Variants in THRB observed in about 807,000 individuals in gnomAD.
THRB encodes the protein nuclear receptor subfamily 1 group A member 2.
A neutral mutation model predicts 47.8 loss-of-function variants in THRB; 12 were observed. The ratio of observed to expected loss-of-function variants is 0.25; its 90% confidence interval spans 0.16 to 0.41. The LOEUF (loss-of-function observed/expected upper bound fraction) is 0.41, where lower values mean the gene tolerates loss of function less well. Ranked by LOEUF, THRB falls within the 10% of genes least tolerant of loss-of-function variation. The pLI, the probability that THRB is intolerant of heterozygous loss-of-function variation, is 1.00. For missense variants in THRB, 348 were observed against 589.2 expected (o/e 0.59, Z 4.24); for synonymous variants, 218 against 212.2 (o/e 1.03, Z -0.24).
At chr3:24,412,344 C>T (rs903641196) in intron 1 of THRB, among the ~76,000 whole-genome samples, 4 of 151,630 alleles carry the variant, frequency 2.6e-5, no homozygotes, top group South Asian at 4.2e-4. Context: ...TACATGTCTT[C>T]CAAATAAACC....
intron 4 of THRB, among the ~76,000 whole-genome samples, chr3:24,191,092 A>G (rs2043276497): frequency 6.6e-6 from 1 of 151,686 alleles, no homozygotes; most frequent in East Asian, 1.9e-4. Context: ...TATTTTTTCT[A>G]TTCAATTTAT....
At chr3:24,470,803 G>C (rs1232343407) in intron 1 of THRB, among the ~76,000 whole-genome samples, 8 of 152,178 alleles carry the variant, frequency 5.3e-5, no homozygotes, top group Non-Finnish European at 1.0e-4. Flanking sequence ...TTTTAGTAGA[G>C]AGGGGGTTTC....
At chr3:24,243,179 C>T (rs1161259258) in intron 3 of THRB, among the ~76,000 whole-genome samples, 2 of 151,928 alleles carry the variant, frequency 1.3e-5, no homozygotes, top group Non-Finnish European at 2.9e-5. Flanking sequence ...GATTCTGATG[C>T]CCAGCCAAGA....
intron 2 of THRB, among the ~76,000 whole-genome samples, chr3:24,314,809 A>G (rs1413028909): frequency 6.6e-6 from 1 of 152,202 alleles, no homozygotes; most frequent in Non-Finnish European, 1.5e-5. Flanking sequence ...TACTCGAGGA[A>G]ACTAAATGTC....
intron 9 of THRB, 83 bp downstream of exon 9, chr3:24,133,233 A>T: frequency 6.7e-7 from 1 of 1,491,986 alleles, no homozygotes; most frequent in Non-Finnish European, 9.3e-7. Context: ...AATTAACATT[A>T]AATTGTAAAT....
chr3:24,342,780 G>A (rs549231779), intron 1 of THRB, among the ~76,000 whole-genome samples: 10 of 152,266 alleles, frequency 6.6e-5, no homozygotes, highest in Admixed American at 1.3e-4. Context: ...AAAAGATACA[G>A]GGCCTGAAGG....
chr3:24,331,106 T>G (rs556454480), intron 2 of THRB, among the ~76,000 whole-genome samples: 8 of 152,240 alleles, frequency 5.3e-5, no homozygotes, highest in African/African-American at 1.9e-4. Context: ...AGATGAGTCT[T>G]GATTTTGTCT....
intron 4 of THRB, among the ~76,000 whole-genome samples, chr3:24,213,315 A>C (rs7644151): frequency 6.6e-6 from 1 of 152,190 alleles, no homozygotes; most frequent in African/African-American, 2.4e-5. Context: ...TTGAGAAGGG[A>C]TGGGGCTTGA....
At chr3:24,476,580 G>A (rs192740739) in intron 1 of THRB, among the ~76,000 whole-genome samples, 66 of 152,186 alleles carry the variant, frequency 4.3e-4, no homozygotes, top group African/African-American at 1.2e-3. Flanking sequence ...TATCATTTAC[G>A]GAACCGCACT....
chr3:24,438,803 C>T (rs1160501285), intron 1 of THRB, among the ~76,000 whole-genome samples: 1 of 152,130 alleles, frequency 6.6e-6, no homozygotes, highest in East Asian at 1.9e-4. Context: ...GTAGAAGCCC[C>T]TGTCAGGTAG....
intron 1 of THRB, among the ~76,000 whole-genome samples, chr3:24,439,951 T>C (rs567290390): frequency 6.6e-6 from 1 of 152,304 alleles, no homozygotes; most frequent in South Asian, 2.1e-4. Flanking sequence ...GTGACCCACA[T>C]AGATCAAAGG....
chr3:24,450,284 A>G (rs1240929532), intron 1 of THRB, among the ~76,000 whole-genome samples: 1 of 152,232 alleles, frequency 6.6e-6, no homozygotes, highest in Non-Finnish European at 1.5e-5. Flanking sequence ...ACTCAAAAAG[A>G]AATTCCTGCA....
chr3:24,385,474 A>G (rs368140438), intron 1 of THRB, among the ~76,000 whole-genome samples: 1 of 152,042 alleles, frequency 6.6e-6, no homozygotes, highest in African/African-American at 2.4e-5. Context: ...AGCAAGGAGC[A>G]GCTGGATGTG....
In THRB at chr3:24,468,796, C is replaced by T. The variant is rs775609432; in HGVS notation, c.-261+25856G>A. 1.3e-4 allele frequency among the ~76,000 whole-genome samples: 20 copies of T among 152,256 alleles called. 1 individual carries two copies. The highest frequency in any genetic ancestry group is 6.2e-4 in the South Asian group (3 of 4,820). On this transcript the variant is annotated intron_variant, in intron 1 of 10. Transcript: ENST00000646209. ...AAATGTTGTGAGAATTACCAAAATA[C>T]GACACAGATAAGTGAGCATATGCTA...
chr3:24,134,609 C>T (rs1559418656), intron 8 of THRB, among the ~76,000 whole-genome samples: 1 of 152,164 alleles, frequency 6.6e-6, no homozygotes, highest in Non-Finnish European at 1.5e-5. Context: ...CTCCACACCT[C>T]CTCACCCCTA....
intron 3 of THRB, among the ~76,000 whole-genome samples, chr3:24,252,933 G>A (rs1426552338): frequency 2.6e-5 from 4 of 152,038 alleles, no homozygotes; most frequent in African/African-American, 9.7e-5. Flanking sequence ...GAGGGGACCT[G>A]GATGGTTAAG....
intron 3 of THRB, among the ~76,000 whole-genome samples, chr3:24,248,940 A>G (rs1277819905): frequency 1.3e-5 from 2 of 152,124 alleles, no homozygotes; most frequent in Non-Finnish European, 1.5e-5. Flanking sequence ...TAGTGCTCCA[A>G]TTCCGATGTA....
At chr3:24,190,388 C>G in intron 4 of THRB, 54 bp from the exon 5 acceptor site, 1 of 1,611,640 alleles carries the variant, frequency 6.2e-7, no homozygotes, top group South Asian at 1.1e-5. Flanking sequence ...CAAGATTTTG[C>G]TGAGATGCAG....
At chr3:24,336,871 A>G (rs1415726630) in intron 2 of THRB, among the ~76,000 whole-genome samples, 2 of 151,832 alleles carry the variant, frequency 1.3e-5, no homozygotes, top group East Asian at 1.9e-4. Context: ...ACAGGCGCCC[A>G]CCACCACGCC....
Sources: allele counts gnomAD v4.1 joint callset (sites outside exome capture counted in the v4.1 genomes callset), GRCh38; gene constraint gnomAD v4.1.1; transcripts MANE v1.5; gene names NCBI Gene and HGNC (gene_info 2026-07-23, HGNC 2026-07-21).